Variants in CNTNAP4 observed in about 807,000 individuals in gnomAD.
CNTNAP4 encodes the protein contactin associated protein family member 4, also known as contactin-associated protein-like 4.
In CNTNAP4, 98 loss-of-function variants were observed where a neutral mutation model predicts 148.4. The ratio of observed to expected loss-of-function variants is 0.66; its 90% CI spans 0.56 to 0.78. CNTNAP4 has a LOEUF of 0.78. Among genes scored for constraint, CNTNAP4 ranks in the 30% least tolerant of loss-of-function variants. The pLI, the probability that CNTNAP4 is intolerant of heterozygous loss-of-function variation, is 0.00. For synonymous variants in CNTNAP4, 730 were observed against 565.1 expected, an observed-to-expected ratio of 1.29 and a Z score of -4.14; for missense variants, 1,935 against 1,565.6, an observed-to-expected ratio of 1.24 and a Z score of -3.98.
intron 1 of CNTNAP4, among the ~76,000 whole-genome samples, chr16:76,282,893 G>T (rs1958741010): frequency 6.6e-6 from 1 of 150,542 alleles, no homozygotes; most frequent in Non-Finnish European, 1.5e-5. Context: ...CAAAACAAAT[G>T]GTCACTTGTT....
intron 3 of CNTNAP4, among the ~76,000 whole-genome samples, chr16:76,374,753 A>AG (rs1317959002): frequency 8.5e-5 from 11 of 129,620 alleles, no homozygotes; most frequent in African/African-American, 2.8e-4. Context: ...TATTATTATT[A>AG]TTATTATTAT....
intron 15 of CNTNAP4, among the ~76,000 whole-genome samples, chr16:76,506,775 A>G (rs1365236372): frequency 1.0e-5 from 1 of 95,262 alleles, no homozygotes; most frequent in African/African-American, 2.6e-5. Flanking sequence ...CTGCCTGGGT[A>G]TGAGAATTGC....
chr16:76,317,511 C>T (rs537660105), intron 2 of CNTNAP4, among the ~76,000 whole-genome samples: 237 of 152,240 alleles, frequency 1.6e-3, no homozygotes, highest in African/African-American at 5.5e-3. Context: ...GAGGAAAACA[C>T]GCTTGGCAAT....
chr16:76,532,297 C>T (rs552483182), intron 17 of CNTNAP4, among the ~76,000 whole-genome samples: 109 of 152,330 alleles, frequency 7.2e-4, no homozygotes, highest in African/African-American at 2.5e-3. Flanking sequence ...ATCTGTGGGT[C>T]TGAATCCTGC....
At chr16:76,360,778 T>C (rs1228652343) in intron 3 of CNTNAP4, among the ~76,000 whole-genome samples, 1 of 152,054 alleles carries the variant, frequency 6.6e-6, no homozygotes, top group Admixed American at 6.6e-5. Flanking sequence ...CTTTTGAAAA[T>C]GATTAACCTG....
chr16:76,543,984 C>T (rs529354785), intron 21 of CNTNAP4, among the ~76,000 whole-genome samples: 78 of 152,290 alleles, frequency 5.1e-4, no homozygotes, highest in African/African-American at 1.8e-3. Flanking sequence ...GAGAACGCCA[C>T]TCAACAAGGT....
chr16:76,294,991 G>T (rs1415094778), intron 1 of CNTNAP4, among the ~76,000 whole-genome samples: 1 of 152,144 alleles, frequency 6.6e-6, no homozygotes, highest in African/African-American at 2.4e-5. Context: ...AGGGGGGCCG[G>T]TGTTCTTACA....
chr16:76,524,310 T>G (rs2083617530), intron 17 of CNTNAP4, among the ~76,000 whole-genome samples: 1 of 152,140 alleles, frequency 6.6e-6, no homozygotes, highest in Non-Finnish European at 1.5e-5. Context: ...CGCTAGAAGC[T>G]CAGTCAGGAA....
intron 17 of CNTNAP4, among the ~76,000 whole-genome samples, chr16:76,526,561 A>G (rs776127527): frequency 1.3e-5 from 2 of 152,202 alleles, no homozygotes; most frequent in African/African-American, 4.8e-5. Context: ...CCAACTTGCT[A>G]ATGAATTGGT....
intron 2 of CNTNAP4, among the ~76,000 whole-genome samples, chr16:76,344,176 C>G (rs1964718297): frequency 6.6e-6 from 1 of 151,878 alleles, no homozygotes; most frequent in Admixed American, 6.6e-5. Flanking sequence ...ACACTGGGAA[C>G]AGTGAAAATA....
At chr16:76,512,299 A>T (rs2083058952) in intron 15 of CNTNAP4, among the ~76,000 whole-genome samples, 1 of 152,168 alleles carries the variant, frequency 6.6e-6, no homozygotes, top group African/African-American at 2.4e-5. Flanking sequence ...TAGTGAGATT[A>T]AATAGGGAAA....
intron 4 of CNTNAP4, among the ~76,000 whole-genome samples, chr16:76,430,040 T>C (rs977914179): frequency 1.3e-5 from 2 of 152,152 alleles, no homozygotes; most frequent in African/African-American, 4.8e-5. Flanking sequence ...AAAGAATGGG[T>C]TGGGCATGAG....
chr16:76,299,189 A>G (rs1173049200), intron 1 of CNTNAP4, among the ~76,000 whole-genome samples: 1 of 152,214 alleles, frequency 6.6e-6, no homozygotes, highest in South Asian at 2.1e-4. Context: ...AGCAAAAGAA[A>G]CTACCATCAG....
rs544706201 is a variant in CNTNAP4, at chr16:76,348,352, A to AAGG, written c.197-6963_197-6961dup. On this transcript the variant is annotated intron_variant, in intron 2 of 23. Coordinates refer to ENST00000611870, the MANE Select transcript of CNTNAP4 (RefSeq NM_033401.5). ...GAATTCTCCAGTCTTGGGTTCAGGG[A>AAGG]AGGAGTGTAGGCAGATTTATGAATA... Among the ~76,000 whole-genome samples the AAGG allele has an allele frequency of 2.1e-4, 32 of 152,146 alleles. 1 individual carries two copies. The East Asian group carries it at 5.8e-3, about 28-fold the overall frequency.
intron 10 of CNTNAP4, among the ~76,000 whole-genome samples, chr16:76,475,404 A>G (rs528166929): frequency 6.6e-6 from 1 of 152,282 alleles, no homozygotes; most frequent in South Asian, 2.1e-4. Context: ...GAAGACTTAA[A>G]TTATCCTGGG....
At chr16:76,421,898 A>G (rs754560555) in intron 3 of CNTNAP4, among the ~76,000 whole-genome samples, 13 of 152,132 alleles carry the variant, frequency 8.5e-5, no homozygotes, top group Non-Finnish European at 1.5e-4. Flanking sequence ...CTGTGCAACT[A>G]TGTGTAACGG....
At chr16:76,509,241 G>T (rs1255930973) in intron 15 of CNTNAP4, among the ~76,000 whole-genome samples, 1 of 96,238 alleles carries the variant, frequency 1.0e-5, no homozygotes, top group African/African-American at 2.6e-5. Context: ...CCTCATGGTG[G>T]TTGAGGACCG....
intron 18 of CNTNAP4, among the ~76,000 whole-genome samples, chr16:76,536,131 T>C (rs2084202625): frequency 6.6e-6 from 1 of 152,150 alleles, no homozygotes; most frequent in African/African-American, 2.4e-5. Flanking sequence ...TTAAATAATA[T>C]GGCTGTCAGC....
At chr16:76,317,810 A>G (rs1342264033) in intron 2 of CNTNAP4, among the ~76,000 whole-genome samples, 1 of 152,184 alleles carries the variant, frequency 6.6e-6, no homozygotes, top group Non-Finnish European at 1.5e-5. Context: ...ACACTTTAAC[A>G]TGATTTTAAG....
Sources: gnomAD v4.1 joint callset for allele counts (sites outside exome capture counted in the v4.1 genomes callset) on GRCh38, gnomAD v4.1.1 for gene constraint, MANE v1.5 for transcripts, NCBI Gene and HGNC (gene_info 2026-07-23, HGNC 2026-07-21) for gene names.